The following MCF2L2 variants were observed in gnomAD, a reference collection of about 807,000 sequenced individuals.
MCF2L2 encodes MCF.2 cell line derived transforming sequence-like 2, also known as probable guanine nucleotide exchange factor MCF2L2.
Under a neutral mutation model 150.2 loss-of-function variants are expected in MCF2L2, and 102 were observed. The observed-to-expected ratio is 0.68, with a 90% CI of 0.58 to 0.80. The LOEUF (loss-of-function observed/expected upper bound fraction) is 0.80, where lower values mean the gene tolerates loss of function less well. MCF2L2 is among the 30% of genes least tolerant of loss of function. MCF2L2 has a pLI of 0.00. For missense variants in MCF2L2, 1,256 were observed against 1,372.8 expected, an observed-to-expected ratio of 0.91 and a Z score of 1.34; for synonymous variants, 465 against 491.3, an observed-to-expected ratio of 0.95 and a Z score of 0.71.
Position 183,295,382 on chromosome 3 carries a change from A to T in MCF2L2, c.1593T>A (p.Thr531=). Residue 531 remains threonine (T), a synonymous_variant, in exon 13 of 30, where the codon ACT becomes ACA. Transcript: ENST00000328913. ...GTGGGGCCACAGGTTGCACTGGACG[A>T]GTCTGTTTGGCTGCCAGTTTCATCA... The part of the protein sequence containing the change: ...VSLMKLAAKQ[T]RPVQPVAPHP... 6.2e-7 allele frequency: 1 copy of T among 1,614,056 alleles called. No homozygotes were observed.
rs574537291 is a variant in MCF2L2 at position 183,232,841 on chromosome 3, T to C, written c.1863-1824A>G. On this transcript the variant is annotated intron_variant, in intron 15 of 29. Coordinates refer to ENST00000328913, the MANE Select transcript of MCF2L2 (RefSeq NM_015078.4). The stretch of plus-strand genomic sequence containing the variant: ...CAAACCTCATAGAAAGACTGGTAAA[T>C]GAGGGTGTGGAAAAACCCTCACACA... 9.9e-4 allele frequency among the ~76,000 whole-genome samples: 151 copies of C among 152,342 alleles called. 4 individuals are homozygous for C. In the South Asian group the frequency reaches 0.03, roughly 30 times the overall value.
chr3:183,243,132 G>A (rs566578264), intron 15 of MCF2L2, among the ~76,000 whole-genome samples: 2 of 152,366 alleles, frequency 1.3e-5, no homozygotes, highest in East Asian at 3.9e-4. Context: ...CACATAGGTG[G>A]AAGGGACTTG....
At position 183,197,562 on chromosome 3, in the gene MCF2L2, G is replaced by A. The variant is rs190509261; in HGVS notation, c.2885-2307C>T. 1.7e-3 allele frequency among the ~76,000 whole-genome samples: 265 copies of A among 152,220 alleles called. 2 individuals are homozygous for A. Among genetic ancestry groups the A allele is most frequent in the Non-Finnish European group, 3.2e-3 (215 of 68,006 alleles). On this transcript the variant is annotated intron_variant, in intron 25 of 29. Coordinates refer to ENST00000328913, the MANE Select transcript of MCF2L2 (RefSeq NM_015078.4). The surrounding 1 kb of genome is among the most constrained non-coding windows in gnomAD (Gnocchi z 4.5). ...AAAATCTTTATGGCTTTTAGATAAC[G>A]ATTTCTTAGGCAGGATACCGAAAAC... is the stretch of plus-strand genomic sequence containing the variant.
chr3:183,408,456 T>C (rs1457063744), intron 1 of MCF2L2, among the ~76,000 whole-genome samples: 6 of 152,218 alleles, frequency 3.9e-5, no homozygotes, highest in Non-Finnish European at 8.8e-5. Flanking sequence ...GCTGCAGCAG[T>C]GGAGGTGGTG....
chr3:183,201,507 C>CAA (rs1722282895), intron 25 of MCF2L2, among the ~76,000 whole-genome samples: 1 of 152,200 alleles, frequency 6.6e-6, no homozygotes, highest in African/African-American at 2.4e-5. Flanking sequence ...AGTTGCTTAT[C>CAA]AGCTTAAGGA....
At chr3:183,284,927 A>G (rs979540340) in intron 14 of MCF2L2, among the ~76,000 whole-genome samples, 4 of 152,198 alleles carry the variant, frequency 2.6e-5, no homozygotes, top group Non-Finnish European at 5.9e-5. Context: ...GACACTGACT[A>G]GACTTCAAAT....
At chr3:183,231,646 A>G (rs1439408630) in intron 15 of MCF2L2, among the ~76,000 whole-genome samples, 1 of 149,382 alleles carries the variant, frequency 6.7e-6, no homozygotes, top group African/African-American at 2.5e-5. Context: ...TTTGGTAGAG[A>G]TGAGGTCTTG....
intron 4 of MCF2L2, among the ~76,000 whole-genome samples, chr3:183,339,779 C>T (rs1050436787): frequency 2.0e-5 from 3 of 151,756 alleles, no homozygotes; most frequent in African/African-American, 7.3e-5. Context: ...TTTTCTAAAT[C>T]AGGTCTTTAC....
intron 27 of MCF2L2, among the ~76,000 whole-genome samples, chr3:183,192,211 C>T (rs370242807): frequency 6.6e-6 from 1 of 152,036 alleles, no homozygotes; most frequent in African/African-American, 2.4e-5. Context: ...CACCATCTCG[C>T]TCACTGCAAC....
At chr3:183,361,112 A>AAGACAAGACAAGACAAGACAAGACAAG (rs1712168296) in intron 3 of MCF2L2, among the ~76,000 whole-genome samples, 4 of 86,340 alleles carry the variant, frequency 4.6e-5, no homozygotes, top group African/African-American at 2.3e-4. Flanking sequence ...CAAGAAAAGA[A>AAGACAAGACAAGACAAGACAAGACAAG]AAAAGAAAAA....
chr3:183,203,297 T>G (rs1722359760), intron 25 of MCF2L2, among the ~76,000 whole-genome samples: 1 of 152,130 alleles, frequency 6.6e-6, no homozygotes, highest in African/African-American at 2.4e-5. Flanking sequence ...TTTAACTATT[T>G]TTACATGTTC....
intron 10 of MCF2L2, among the ~76,000 whole-genome samples, chr3:183,309,240 G>A (rs1408920501): frequency 6.6e-6 from 1 of 151,132 alleles, no homozygotes; most frequent in Non-Finnish European, 1.5e-5. Context: ...CCATCTAATT[G>A]TCTTGCTCCA....
At chr3:183,327,297 C>T (rs1339928552) in intron 5 of MCF2L2, among the ~76,000 whole-genome samples, 2 of 151,874 alleles carry the variant, frequency 1.3e-5, no homozygotes, top group African/African-American at 2.4e-5. Flanking sequence ...TGCACTCCAA[C>T]CTGGGTGAGA....
chr3:183,203,622 A>T (rs1216241690), intron 25 of MCF2L2, among the ~76,000 whole-genome samples: 3 of 152,252 alleles, frequency 2.0e-5, no homozygotes, highest in Non-Finnish European at 4.4e-5. Flanking sequence ...CTAATGACGC[A>T]TAATGGCAGT....
chr3:183,326,908 A>G (rs1425716939), intron 5 of MCF2L2, among the ~76,000 whole-genome samples: 1 of 152,188 alleles, frequency 6.6e-6, no homozygotes, highest in Non-Finnish European at 1.5e-5. Context: ...AGGTAATTCA[A>G]TGGAGAAATA....
intron 3 of MCF2L2, among the ~76,000 whole-genome samples, chr3:183,349,684 A>G (rs9824180): frequency 0.35 from 53,099 of 152,120 alleles, 13,366 homozygotes; most frequent in African/African-American, 0.71. Flanking sequence ...TTTTAACAGC[A>G]GAAGAAACCA....
chr3:183,276,274 A>G (rs1261241821), intron 15 of MCF2L2, among the ~76,000 whole-genome samples: 1 of 152,248 alleles, frequency 6.6e-6, no homozygotes, highest in African/African-American at 2.4e-5. Flanking sequence ...GACATTTTTC[A>G]GAGGCCTGCT....
chr3:183,253,737 G>A (rs1040466962), intron 15 of MCF2L2: 1 of 152,362 alleles, frequency 6.6e-6, no homozygotes, highest in African/African-American at 2.4e-5. Context: ...AGGAACCGCG[G>A]CGTTCCCTGG....
chr3:183,280,271 T>C (rs192784850), intron 14 of MCF2L2, among the ~76,000 whole-genome samples: 2 of 152,168 alleles, frequency 1.3e-5, no homozygotes, highest in East Asian at 1.9e-4. Context: ...TTTGAAGAAA[T>C]GCATGCTCTC....
Sources: allele counts gnomAD v4.1 joint callset (sites outside exome capture counted in the v4.1 genomes callset), GRCh38; gene constraint gnomAD v4.1.1; non-coding constraint Gnocchi (gnomAD v3.1); transcripts MANE v1.5; gene names NCBI Gene and HGNC (gene_info 2026-07-23, HGNC 2026-07-21).